Variants in MDGA2 observed in about 807,000 individuals in gnomAD.
MDGA2 encodes the protein MAM domain containing glycosylphosphatidylinositol anchor 2.
Under a neutral mutation model 117.8 loss-of-function variants are expected in MDGA2, and 40 were observed. The ratio of observed to expected loss-of-function variants is 0.34; its 90% CI spans 0.26 to 0.44. The LOEUF is 0.44. Ranked by LOEUF, MDGA2 falls within the 20% of genes least tolerant of loss-of-function variation. The pLI is 1.00. For missense variants in MDGA2, 1,123 were observed against 1,250.6 expected (o/e 0.90, Z 1.54); for synonymous variants, 452 against 439.0 (o/e 1.03, Z -0.37).
chr14:47,108,500 C>T (rs377550427), intron 5 of MDGA2, among the ~76,000 whole-genome samples: 6 of 152,214 alleles, frequency 3.9e-5, no homozygotes, highest in South Asian at 2.1e-4. Flanking sequence ...ATGACATTAC[C>T]TTGTGAAAGT....
chr14:47,667,521 G>A (rs1897997123), intron 1 of MDGA2, among the ~76,000 whole-genome samples: 1 of 152,162 alleles, frequency 6.6e-6, no homozygotes, highest in South Asian at 2.1e-4. Flanking sequence ...TATTTCTTCA[G>A]GCAGACAGCA....
intron 2 of MDGA2, among the ~76,000 whole-genome samples, chr14:47,242,161 C>CCA (rs527473324): frequency 1.8e-4 from 28 of 151,892 alleles, no homozygotes; most frequent in African/African-American, 2.7e-4. Flanking sequence ...AACACCTTCC[C>CCA]CACACACACA....
At chr14:46,888,082 A>C (rs73252360) in intron 10 of MDGA2, among the ~76,000 whole-genome samples, 5,434 of 152,038 alleles carry the variant, frequency 0.036, 331 homozygotes, top group African/African-American at 0.12. Context: ...AGTGTCCATA[A>C]CTTCATATGT....
intron 1 of MDGA2, among the ~76,000 whole-genome samples, chr14:47,470,357 C>T (rs963179327): frequency 2.7e-5 from 4 of 148,436 alleles, no homozygotes; most frequent in Non-Finnish European, 5.9e-5. Flanking sequence ...TAGGTGCGAA[C>T]ATGCGGTGTT....
At chr14:47,548,675 T>C (rs1244270594) in intron 1 of MDGA2, among the ~76,000 whole-genome samples, 1 of 152,136 alleles carries the variant, frequency 6.6e-6, no homozygotes, top group Admixed American at 6.6e-5. Flanking sequence ...TTCTTGTTTG[T>C]GCAAAGCCTC....
At chr14:47,499,415 C>A (rs906297904) in intron 1 of MDGA2, among the ~76,000 whole-genome samples, 2 of 152,060 alleles carry the variant, frequency 1.3e-5, no homozygotes, top group African/African-American at 4.8e-5. Context: ...TTCTTTCTCC[C>A]CCCATTGATA....
At chr14:47,423,469 G>A (rs1293427447) in intron 1 of MDGA2, among the ~76,000 whole-genome samples, 1 of 152,176 alleles carries the variant, frequency 6.6e-6, no homozygotes, top group Non-Finnish European at 1.5e-5. Flanking sequence ...AAAGAGGAAA[G>A]TGAAGTTCAG....
rs7145499 is a variant in MDGA2, at chr14:47,067,902, A to T, written c.1196-6324T>A. Reference sequence around the variant, plus strand: ...GAGGTCTTTTAAATTTTTTTCTCTGATATGCTATTAAGTATTCTTATACTC... The same window carrying T: ...GAGGTCTTTTAAATTTTTTTCTCTGTTATGCTATTAAGTATTCTTATACTC... On this transcript the variant is annotated intron_variant, in intron 6 of 16. Coordinates refer to ENST00000399232, the MANE Select transcript of MDGA2 (RefSeq NM_001113498.3). Among the ~76,000 whole-genome samples the T allele has an allele frequency of 5.3e-3, 812 of 152,298 alleles. 5 individuals are homozygous for T. The highest frequency in any genetic ancestry group is 0.018 in the African/African-American group (769 of 41,568).
At chr14:47,169,801 T>C (rs148767781) in intron 3 of MDGA2, among the ~76,000 whole-genome samples, 277 of 152,208 alleles carry the variant, frequency 1.8e-3, no homozygotes, top group African/African-American at 6.4e-3. Context: ...TGTAGTTTTG[T>C]TTCTCAGCTT....
intron 1 of MDGA2, among the ~76,000 whole-genome samples, chr14:47,619,116 TACACACACACACACAC>T (rs1555336908): frequency 1.1e-5 from 1 of 90,802 alleles, no homozygotes; most frequent in African/African-American, 3.9e-5. Context: ...TCAGTTTAAT[TACACACACACACACAC>T]ACACACACAC....
intron 7 of MDGA2, among the ~76,000 whole-genome samples, chr14:47,052,675 C>T (rs529840103): frequency 7.9e-5 from 12 of 151,916 alleles, no homozygotes; most frequent in East Asian, 7.7e-4. Context: ...TTGCAACTAA[C>T]GATGTTTTAA....
intron 1 of MDGA2, among the ~76,000 whole-genome samples, chr14:47,548,435 CT>C (rs1895507678): frequency 6.6e-6 from 1 of 151,908 alleles, no homozygotes; most frequent in Non-Finnish European, 1.5e-5. Flanking sequence ...CTGCTGTTTG[CT>C]TAATGACTAA....
At chr14:47,619,539 G>A (rs748647965) in intron 1 of MDGA2, among the ~76,000 whole-genome samples, 2 of 152,188 alleles carry the variant, frequency 1.3e-5, no homozygotes, top group African/African-American at 4.8e-5. Flanking sequence ...TGAGGAGGCA[G>A]ATAAAGGGCA....
At chr14:46,866,340 T>C (rs917489029) in intron 14 of MDGA2, among the ~76,000 whole-genome samples, 58 of 152,298 alleles carry the variant, frequency 3.8e-4, no homozygotes, top group African/African-American at 1.3e-3. Context: ...GCTAGCCATA[T>C]GTAGAAAGCT....
At position 47,610,362 on chromosome 14, in the gene MDGA2, G is replaced by A. The variant is rs900834651; in HGVS notation, c.280+64155C>T. Among the ~76,000 whole-genome samples the A allele has an allele frequency of 1.3e-5, 2 of 152,056 alleles. 1 individual carries two copies. The highest frequency in any genetic ancestry group is 4.1e-4 in the South Asian group (2 of 4,828). On this transcript the variant is annotated intron_variant, in intron 1 of 16. Coordinates refer to ENST00000399232, the MANE Select transcript of MDGA2 (RefSeq NM_001113498.3). ...GTAAGGGCATCCAAACTGGTAAAGA[G>A]GAAGTCAAACTGTCACAGTTTGCTG...
chr14:47,627,302 A>T (rs111282236), intron 1 of MDGA2, among the ~76,000 whole-genome samples: 3,893 of 151,652 alleles, frequency 0.026, 95 homozygotes, highest in African/African-American at 0.066. Flanking sequence ...TTGTGAATGC[A>T]CCAATCGGCA....
intron 8 of MDGA2, among the ~76,000 whole-genome samples, chr14:47,034,672 CT>C (rs1266621915): frequency 6.6e-6 from 1 of 151,420 alleles, no homozygotes; most frequent in Non-Finnish European, 1.5e-5. Flanking sequence ...CTCCACTTTG[CT>C]TATTGCACAT....
chr14:47,480,017 C>G (rs537214029), intron 1 of MDGA2, among the ~76,000 whole-genome samples: 16 of 152,092 alleles, frequency 1.1e-4, no homozygotes, highest in African/African-American at 3.6e-4. Flanking sequence ...CAGGTTCATC[C>G]CTTTCAAATT....
intron 8 of MDGA2, among the ~76,000 whole-genome samples, chr14:46,960,932 G>C (rs937869294): frequency 1.5e-5 from 2 of 133,182 alleles, no homozygotes; most frequent in East Asian, 4.0e-4. Flanking sequence ...ACATATATGT[G>C]TATGCGTATA....
Sources: gnomAD v4.1 joint callset for allele counts (sites outside exome capture counted in the v4.1 genomes callset) on GRCh38, gnomAD v4.1.1 for gene constraint, MANE v1.5 for transcripts, NCBI Gene and HGNC (gene_info 2026-07-23, HGNC 2026-07-21) for gene names.